Variants in CSMD3 observed in about 807,000 individuals in gnomAD.
The protein encoded by CSMD3 is CUB and Sushi multiple domains 3, also known as CUB and sushi domain-containing protein 3.
A neutral mutation model predicts 435.2 loss-of-function variants in CSMD3; 177 were observed. That is an observed-to-expected ratio of 0.41 (90% CI 0.36 to 0.46). The LOEUF (loss-of-function observed/expected upper bound fraction) is 0.46, where lower values mean the gene tolerates loss of function less well. CSMD3 is among the 20% of genes least tolerant of loss of function. The pLI is 0.34. For missense variants in CSMD3, 4,265 were observed against 4,504.6 expected (o/e 0.95, Z 1.52); for synonymous variants, 1,656 against 1,520.5 (o/e 1.09, Z -2.07).
chr8:113,010,372 T>C (rs1327783498), intron 6 of CSMD3, among the ~76,000 whole-genome samples: 1 of 151,804 alleles, frequency 6.6e-6, no homozygotes, highest in Non-Finnish European at 1.5e-5. Flanking sequence ...AAGCTGACTT[T>C]TATTCTAGAA....
At chr8:113,370,412 GTT>G (rs113514823) in intron 1 of CSMD3, among the ~76,000 whole-genome samples, 3 of 144,576 alleles carry the variant, frequency 2.1e-5, no homozygotes, top group African/African-American at 5.0e-5. Flanking sequence ...TTGTGATTAG[GTT>G]TTTTTTTTTT....
chr8:112,255,474 C>A (rs2130282204), intron 61 of CSMD3, 47 bp from the exon 62 acceptor site: 2 of 1,542,468 alleles, frequency 1.3e-6, no homozygotes, highest in South Asian at 2.2e-5. Context: ...TAGTATACAG[C>A]AGAGTACACA....
Position 112,873,090 on chromosome 8 carries a change from GC to G in CSMD3, c.1634-13825del, listed in dbSNP as rs752936295. On this transcript the variant is annotated intron_variant, in intron 10 of 70. Coordinates refer to ENST00000297405, the MANE Select transcript of CSMD3 (RefSeq NM_198123.2). ...CCAAATTATCCAGGAAATTAACTGA[GC>G]CAGTTCTGATCTGCAAATTTACAAA... 2.4e-4 allele frequency among the ~76,000 whole-genome samples: 36 copies of G among 152,126 alleles called. No homozygotes were observed. In the Middle Eastern group the frequency reaches 0.017, roughly 72 times the overall value.
intron 53 of CSMD3, among the ~76,000 whole-genome samples, chr8:112,296,288 C>A (rs1186407022): frequency 6.6e-6 from 1 of 152,070 alleles, no homozygotes; most frequent in African/African-American, 2.4e-5. Context: ...CACGGTGGTT[C>A]ACGCCTGTAA....
intron 1 of CSMD3, among the ~76,000 whole-genome samples, chr8:113,393,267 A>C: frequency 6.6e-6 from 1 of 152,038 alleles, no homozygotes; most frequent in East Asian, 1.9e-4. Flanking sequence ...TTTGAAAGCT[A>C]ATTAGATAAG....
chr8:113,381,275 G>A (rs1421067719), intron 1 of CSMD3, among the ~76,000 whole-genome samples: 1 of 152,044 alleles, frequency 6.6e-6, no homozygotes, highest in African/African-American at 2.4e-5. Context: ...AACATATTTG[G>A]GGATTACAAG....
In CSMD3 at chr8:112,482,531, C is replaced by T. The variant is rs556428952; in HGVS notation, c.5279-9824G>A. 9.2e-5 allele frequency among the ~76,000 whole-genome samples: 14 copies of T among 152,228 alleles called. No homozygotes were observed. The South Asian group carries it at 1.9e-3, about 20-fold the overall frequency. ...ATTTCAGTACCCATTAGTAGTCGCA[C>T]GCTGTTGTCACTACCCCCAAGTTCC... On this transcript the variant is annotated intron_variant, in intron 31 of 70. Transcript: ENST00000297405.
chr8:112,807,489 TAGG>T (rs1386087628), intron 12 of CSMD3, among the ~76,000 whole-genome samples: 18 of 4,762 alleles, frequency 3.8e-3, no homozygotes, highest in African/African-American at 9.4e-3. Flanking sequence ...CAATTCTTGA[TAGG>T]TAGGTAGGTA....
chr8:113,316,550 A>G (rs1171830021), intron 1 of CSMD3, among the ~76,000 whole-genome samples: 1 of 32,676 alleles, frequency 3.1e-5, no homozygotes, highest in African/African-American at 1.5e-4. Context: ...ACAGCTATAT[A>G]CTTTTTTTTT....
At chr8:113,273,574 TATC>T (rs1427748991) in intron 3 of CSMD3, among the ~76,000 whole-genome samples, 1 of 152,118 alleles carries the variant, frequency 6.6e-6, no homozygotes, top group Non-Finnish European at 1.5e-5. Context: ...TGGTCTCAGT[TATC>T]AGACTGAGAA....
At chr8:113,138,891 C>A (rs2091482166) in intron 4 of CSMD3, among the ~76,000 whole-genome samples, 1 of 150,460 alleles carries the variant, frequency 6.6e-6, no homozygotes, top group Non-Finnish European at 1.5e-5. Flanking sequence ...ATATATGTCA[C>A]ATAATACTAA....
intron 5 of CSMD3, among the ~76,000 whole-genome samples, chr8:113,078,827 C>T (rs182754375): frequency 6.9e-4 from 105 of 152,144 alleles, no homozygotes; most frequent in Non-Finnish European, 9.3e-4. Flanking sequence ...ATGTAAATGC[C>T]GCAGAAAGCA....
intron 1 of CSMD3, among the ~76,000 whole-genome samples, chr8:113,369,103 C>G (rs1235499567): frequency 6.6e-6 from 1 of 151,950 alleles, no homozygotes. Context: ...TTCCTGAGAT[C>G]AGCATATCTT....
intron 22 of CSMD3, among the ~76,000 whole-genome samples, chr8:112,623,300 C>T (rs1050298910): frequency 6.6e-6 from 1 of 151,970 alleles, no homozygotes. Flanking sequence ...CTTTGCCTAG[C>T]GGGACTTTCT....
At chr8:112,717,679 T>C (rs1189586809) in intron 13 of CSMD3, among the ~76,000 whole-genome samples, 2 of 152,126 alleles carry the variant, frequency 1.3e-5, no homozygotes, top group Admixed American at 6.5e-5. Flanking sequence ...CCATTGATGA[T>C]AGACTGAATA....
At chr8:112,269,982 C>G (rs953940963) in intron 59 of CSMD3, among the ~76,000 whole-genome samples, 3 of 152,164 alleles carry the variant, frequency 2.0e-5, no homozygotes, top group Non-Finnish European at 4.4e-5. Flanking sequence ...CCTTCCACCA[C>G]TGGTAGTGGG....
intron 10 of CSMD3, among the ~76,000 whole-genome samples, chr8:112,915,166 T>C (rs1189013118): frequency 1.3e-5 from 2 of 151,928 alleles, no homozygotes; most frequent in Non-Finnish European, 2.9e-5. Context: ...CCTCCAAAAT[T>C]GCAATCACTG....
intron 32 of CSMD3, among the ~76,000 whole-genome samples, chr8:112,421,201 A>G (rs942521452): frequency 1.3e-5 from 2 of 151,898 alleles, no homozygotes; most frequent in African/African-American, 4.8e-5. Flanking sequence ...AAGGAATTCC[A>G]AGCTTACTTA....
intron 20 of CSMD3, among the ~76,000 whole-genome samples, chr8:112,642,674 A>G (rs2074865328): frequency 6.6e-6 from 1 of 152,190 alleles, no homozygotes; most frequent in Non-Finnish European, 1.5e-5. Flanking sequence ...AATCAAAATC[A>G]ATATGATAAA....
Sources: allele counts gnomAD v4.1 joint callset (sites outside exome capture counted in the v4.1 genomes callset), GRCh38; gene constraint gnomAD v4.1.1; transcripts MANE v1.5; gene names NCBI Gene and HGNC (gene_info 2026-07-23, HGNC 2026-07-21).